The following LRMDA variants were observed in gnomAD, a reference collection of about 807,000 sequenced individuals.
The protein encoded by LRMDA is leucine rich melanocyte differentiation associated.
Under a neutral mutation model 29.8 loss-of-function variants are expected in LRMDA, and 18 were observed. That is an observed-to-expected ratio of 0.60 (90% CI 0.42 to 0.90). The LOEUF (loss-of-function observed/expected upper bound fraction) is 0.90, where lower values mean the gene tolerates loss of function less well. Ranked by LOEUF, LRMDA falls within the 40% of genes least tolerant of loss-of-function variation. LRMDA has a pLI of 0.00. For missense variants in LRMDA, 273 were observed against 273.9 expected (o/e 1.00, Z 0.02); for synonymous variants, 125 against 109.4 (o/e 1.14, Z -0.89).
At chr10:75,505,367 C>T (rs985958691) in intron 2 of LRMDA, among the ~76,000 whole-genome samples, 1 of 152,132 alleles carries the variant, frequency 6.6e-6, no homozygotes, top group Non-Finnish European at 1.5e-5. Flanking sequence ...AAGGTCACCA[C>T]CCAGAAGTTG....
intron 5 of LRMDA, among the ~76,000 whole-genome samples, chr10:76,149,112 T>C (rs1051647504): frequency 6.6e-6 from 1 of 152,240 alleles, no homozygotes; most frequent in Admixed American, 6.5e-5. Flanking sequence ...TAAAGTGGTA[T>C]CCCCTAGAAT....
At chr10:76,410,303 T>C (rs986261992) in intron 6 of LRMDA, among the ~76,000 whole-genome samples, 31 of 124,474 alleles carry the variant, frequency 2.5e-4, no homozygotes, top group Non-Finnish European at 1.0e-4. Flanking sequence ...TCTTTCTTTT[T>C]TTTTTTTTTT....
In LRMDA at chr10:75,764,325, C is replaced by T. The variant is rs59917451; in HGVS notation, c.132-271683C>T. 5.3e-5 allele frequency among the ~76,000 whole-genome samples: 8 copies of T among 152,216 alleles called. No homozygotes were observed. In the East Asian group the frequency reaches 5.8e-4, roughly 11 times the overall value. ...AGGGGAAAATGGCATTTTCCAGCTC[C>T]GGTGCAAAGCATTCTAAACTGTGGT... On this transcript the variant is annotated intron_variant, in intron 2 of 6. Transcript: ENST00000611255.
intron 5 of LRMDA, among the ~76,000 whole-genome samples, chr10:76,193,031 C>T (rs1366775697): frequency 1.3e-5 from 2 of 152,162 alleles, no homozygotes; most frequent in African/African-American, 4.8e-5. Context: ...TTTATGGCTT[C>T]TATAAATGCT....
chr10:76,007,658 A>G (rs150790237), intron 2 of LRMDA, among the ~76,000 whole-genome samples: 57 of 152,292 alleles, frequency 3.7e-4, no homozygotes, highest in African/African-American at 1.3e-3. Context: ...ATCTCCTGGC[A>G]TCACAATTCA....
chr10:75,459,688 A>AGG (rs1229385553), intron 2 of LRMDA, among the ~76,000 whole-genome samples: 6 of 152,178 alleles, frequency 3.9e-5, no homozygotes, highest in Non-Finnish European at 8.8e-5. Context: ...GCTAGACAGT[A>AGG]TACCTGAGAT....
intron 2 of LRMDA, among the ~76,000 whole-genome samples, chr10:75,447,829 G>T (rs1311880878): frequency 2.0e-5 from 3 of 152,144 alleles, no homozygotes; most frequent in Non-Finnish European, 2.9e-5. Flanking sequence ...CCAGAAGGTA[G>T]AGGCTGCAGT....
chr10:75,938,717 G>C (rs1846338292), intron 2 of LRMDA, among the ~76,000 whole-genome samples: 1 of 152,210 alleles, frequency 6.6e-6, no homozygotes, highest in African/African-American at 2.4e-5. Flanking sequence ...TTAAAGTGTA[G>C]TATCTGTTAT....
rs114715970 is a variant in LRMDA at position 76,074,861 on chromosome 10, G to A, written c.516+16078G>A. Among the ~76,000 whole-genome samples the A allele has an allele frequency of 5.9e-3, 905 of 152,276 alleles. 16 individuals are homozygous for A. The highest frequency in any genetic ancestry group is 0.021 in the African/African-American group (856 of 41,542). On this transcript the variant is annotated intron_variant, in intron 5 of 6. Transcript: ENST00000611255. ...GCTGTAACAAACAGTCCCAGATCCCGGTGGTTTAGTCAGTCTCCATTCACT... is the reference window on the plus strand; with the variant it reads ...GCTGTAACAAACAGTCCCAGATCCCAGTGGTTTAGTCAGTCTCCATTCACT...
intron 5 of LRMDA, among the ~76,000 whole-genome samples, chr10:76,231,572 A>G (rs765536059): frequency 1.7e-4 from 26 of 152,198 alleles, no homozygotes; most frequent in African/African-American, 6.3e-4. Context: ...TTCATACCTC[A>G]TCGATGTTTT....
intron 2 of LRMDA, among the ~76,000 whole-genome samples, chr10:75,600,367 C>G (rs7092568): frequency 0.14 from 20,998 of 152,176 alleles, 4,596 homozygotes; most frequent in African/African-American, 0.46. Flanking sequence ...TTGGCCCTGT[C>G]CCCTAGGGAG....
intron 2 of LRMDA, chr10:75,742,968 G>C (rs1270824788): frequency 2.0e-5 from 3 of 152,190 alleles, no homozygotes; most frequent in African/African-American, 7.2e-5. Context: ...GTGACATTTG[G>C]AGTGGGGTCT....
Position 76,197,293 on chromosome 10 carries a change from A to G in LRMDA, c.517-127108A>G, listed in dbSNP as rs150639533. Reference sequence around the variant, plus strand: ...TGAAGGAATGATCAGGGCAGAATAGATACAGATCATTGCCTTCCTCCATCT... The same window carrying G: ...TGAAGGAATGATCAGGGCAGAATAGGTACAGATCATTGCCTTCCTCCATCT... On this transcript the variant is annotated intron_variant, in intron 5 of 6. Transcript: ENST00000611255. 2.8e-3 allele frequency among the ~76,000 whole-genome samples: 430 copies of G among 152,352 alleles called. 3 individuals carry two copies. Among genetic ancestry groups the G allele is most frequent in the Middle Eastern group, 0.01 (3 of 294 alleles).
chr10:76,033,485 G>A (rs1400656885), intron 2 of LRMDA, among the ~76,000 whole-genome samples: 24 of 152,090 alleles, frequency 1.6e-4, no homozygotes, highest in Non-Finnish European at 1.2e-4. Flanking sequence ...ATGGAGGTGG[G>A]CGCTTCCTTG....
intron 5 of LRMDA, among the ~76,000 whole-genome samples, chr10:76,184,431 G>A (rs1359626492): frequency 6.6e-6 from 1 of 152,176 alleles, no homozygotes; most frequent in Non-Finnish European, 1.5e-5. Flanking sequence ...AGCAAGAGAT[G>A]ATCAATTCCA....
rs1410400791 is a variant in LRMDA at position 76,363,231 on chromosome 10, GAAAGAAAGAA to G, written c.601+38748_601+38757del. On this transcript the variant is annotated intron_variant, in intron 6 of 6. Coordinates refer to ENST00000611255, the MANE Select transcript of LRMDA (RefSeq NM_001305581.2). ...GAGGGAAGGAAGAGAAAGAAAGAAA[GAAAGAAAGAA>G]AGAAAGAAAGAAAGAAGGAAGGAAG... Among the ~76,000 whole-genome samples the G allele has an allele frequency of 1.7e-4, 9 of 51,474 alleles. 2 individuals carry two copies. The highest frequency in any genetic ancestry group is 3.5e-4 in the Non-Finnish European group (8 of 22,570). 33.8% of individuals were successfully genotyped at this position (51,474 alleles called of 152,430 possible).
chr10:76,181,030 T>A (rs958425255), intron 5 of LRMDA, among the ~76,000 whole-genome samples: 2 of 152,190 alleles, frequency 1.3e-5, no homozygotes, highest in African/African-American at 4.8e-5. Flanking sequence ...AGTGCCACTG[T>A]GAGTCTTCTC....
At chr10:76,480,183 C>T (rs1211295995) in intron 6 of LRMDA, among the ~76,000 whole-genome samples, 4 of 151,864 alleles carry the variant, frequency 2.6e-5, no homozygotes, top group African/African-American at 4.8e-5. Flanking sequence ...ACCTGAAATC[C>T]GTGAGTTTCT....
At chr10:76,467,230 T>C (rs1274591991) in intron 6 of LRMDA, among the ~76,000 whole-genome samples, 1 of 152,156 alleles carries the variant, frequency 6.6e-6, no homozygotes, top group Non-Finnish European at 1.5e-5. Flanking sequence ...TAGGGTGAGA[T>C]TACAATGTAC....
Sources: gnomAD v4.1 joint callset for allele counts (sites outside exome capture counted in the v4.1 genomes callset) on GRCh38, gnomAD v4.1.1 for gene constraint, MANE v1.5 for transcripts, NCBI Gene and HGNC (gene_info 2026-07-23, HGNC 2026-07-21) for gene names.